GPR160: variants seen among roughly 807,000 people sequenced by gnomAD.
The protein encoded by GPR160 is probable G protein-coupled receptor 160.
In GPR160, 2 loss-of-function variants were observed where a neutral mutation model predicts 2.6. The ratio of observed to expected loss-of-function variants is 0.77; its 90% CI spans 0.32 to 2.44. The LOEUF is 2.44. GPR160 is among the 30% of genes most tolerant of loss of function. GPR160 has a pLI of 0.11. For missense variants in GPR160, 351 were observed against 383.6 expected (o/e 0.91, Z 0.71); for synonymous variants, 130 against 132.2 (o/e 0.98, Z 0.12).
intron 2 of GPR160, among the ~76,000 whole-genome samples, chr3:170,054,013 A>T (rs1036532597): frequency 6.6e-6 from 1 of 151,620 alleles, no homozygotes; most frequent in Non-Finnish European, 1.5e-5. Context: ...GCATTTGTGC[A>T]TGGAATATTA....
At chr3:170,066,040 ACACATGCCCAGTGCT>A (rs1167820494) in intron 2 of GPR160, among the ~76,000 whole-genome samples, 3 of 150,326 alleles carry the variant, frequency 2.0e-5, no homozygotes, top group Non-Finnish European at 4.4e-5. Context: ...ATAGGCATGC[ACACATGCCCAGTGCT>A]CACTTTTTAA....
At chr3:170,044,273 G>T (rs984262754) in intron 2 of GPR160, among the ~76,000 whole-genome samples, 1 of 130,180 alleles carries the variant, frequency 7.7e-6, no homozygotes, top group South Asian at 2.4e-4. Context: ...GCGGTGAGCC[G>T]AGATCACGCC....
intron 2 of GPR160, chr3:170,058,037 T>G (rs1443680920): frequency 6.6e-6 from 1 of 152,154 alleles, no homozygotes; most frequent in African/African-American, 2.4e-5. Context: ...ATAAAGTAAG[T>G]ATGTTTAGAA....
chr3:170,081,479 T>C (rs1713125257), intron 3 of GPR160, among the ~76,000 whole-genome samples: 1 of 152,170 alleles, frequency 6.6e-6, no homozygotes, highest in Non-Finnish European at 1.5e-5. Flanking sequence ...TTTGTATAAG[T>C]AGATTATTTG....
intron 2 of GPR160, chr3:170,062,313 C>T: frequency 4.8e-6 from 1 of 207,534 alleles, no homozygotes; most frequent in Admixed American, 5.8e-5. Flanking sequence ...CCCGAGCCCG[C>T]AGATAGTGGA....
At position 170,084,986 on chromosome 3, in the gene GPR160, TTA is replaced by T. The variant is rs1270945452; in HGVS notation, c.1015_1016del (p.Ter339IlefsTer16). 1.5e-6 allele frequency: 2 copies of T among 1,365,128 alleles called. No individual in the cohort carries two copies. The highest frequency in any genetic ancestry group is 2.0e-6 in the Non-Finnish European group (2 of 999,676). 84.6% of individuals were successfully genotyped at this position (1,365,128 alleles called of 1,614,324 possible). On this transcript the variant is annotated frameshift_variant and stop_lost, in exon 4 of 4. Transcript: ENST00000355897. LOFTEE classifies it high-confidence loss of function. ...IEKPISIMIC[*>X] ...AAAAGCCTATATCAATAATGATTTG[TTA>T]ATATTATTAATTAAAAGTTACAGCT... is the stretch of plus-strand genomic sequence containing the variant.
At chr3:170,076,638 G>C (rs1712865029) in intron 2 of GPR160, among the ~76,000 whole-genome samples, 1 of 152,006 alleles carries the variant, frequency 6.6e-6, no homozygotes, top group African/African-American at 2.4e-5. Context: ...CCCCGTCCTA[G>C]GTCCAAGCGA....
Position 170,084,996 on chromosome 3 carries a change from T to A in GPR160, c.*7T>A. On this transcript the variant is annotated 3_prime_UTR_variant, in exon 4 of 4. Transcript: ENST00000355897. ...ATCAATAATGATTTGTTAATATTATTAATTAAAAGTTACAGCTGTCATAAG... is the reference window on the plus strand; with the variant it reads ...ATCAATAATGATTTGTTAATATTATAAATTAAAAGTTACAGCTGTCATAAG... 1 of 1,323,816 alleles carries A rather than the reference T, an allele frequency of 7.6e-7. No individual in the cohort carries two copies. Among genetic ancestry groups the A allele is most frequent in the Non-Finnish European group, 1.0e-6 (1 of 966,302 alleles). The allele number at this position is 1,323,816 out of a possible 1,614,324, so 82.0% of individuals were successfully genotyped here. A position where few individuals can be genotyped will look rare whatever the true frequency, so the allele number is the denominator to read the frequency against.
At chr3:170,062,977 TC>T (rs1162523139) in intron 2 of GPR160, 2 of 248,276 alleles carry the variant, frequency 8.1e-6, no homozygotes, top group African/African-American at 4.6e-5. Flanking sequence ...ATGGTGGATC[TC>T]CGTGGATCTC....
At chr3:170,059,070 C>T (rs1711797748) in intron 2 of GPR160, among the ~76,000 whole-genome samples, 1 of 151,348 alleles carries the variant, frequency 6.6e-6, no homozygotes, top group African/African-American at 2.4e-5. Context: ...CTTATTTTTG[C>T]AGAAAGATGC....
intron 2 of GPR160, among the ~76,000 whole-genome samples, chr3:170,065,674 G>T (rs1477853657): frequency 6.6e-6 from 1 of 152,098 alleles, no homozygotes; most frequent in African/African-American, 2.4e-5. Flanking sequence ...TTCTATGTTG[G>T]AAAGTTTCTT....
At chr3:170,039,974 G>A (rs67666682) in intron 2 of GPR160, among the ~76,000 whole-genome samples, 69,851 of 150,722 alleles carry the variant, frequency 0.46, 16,778 homozygotes, top group East Asian at 0.76. Flanking sequence ...TTGAAGCTGG[G>A]AAGAACACAT....
At chr3:170,069,915 G>A (rs545016584) in intron 2 of GPR160, among the ~76,000 whole-genome samples, 57 of 152,182 alleles carry the variant, frequency 3.7e-4, no homozygotes, top group African/African-American at 1.3e-3. Flanking sequence ...TTCTCCTGGG[G>A]CCTTTTGCAG....
intron 2 of GPR160, among the ~76,000 whole-genome samples, chr3:170,066,185 G>C (rs1445891899): frequency 8.8e-6 from 1 of 113,576 alleles, no homozygotes; most frequent in African/African-American, 3.6e-5. Context: ...CTGTCACCCA[G>C]GCTGGAGTCC....
At chr3:170,039,944 T>G (rs1207254806) in intron 2 of GPR160, among the ~76,000 whole-genome samples, 1 of 151,720 alleles carries the variant, frequency 6.6e-6, no homozygotes, top group African/African-American at 2.4e-5. Context: ...GAGAGGAGAT[T>G]GTTCATGGAT....
intron 2 of GPR160, among the ~76,000 whole-genome samples, chr3:170,044,724 T>A (rs1357758092): frequency 6.6e-6 from 1 of 152,192 alleles, no homozygotes; most frequent in Non-Finnish European, 1.5e-5. Context: ...TCACTGTAGC[T>A]GCTCTGAGCT....
intron 2 of GPR160, among the ~76,000 whole-genome samples, chr3:170,065,888 C>G (rs964378156): frequency 3.3e-4 from 50 of 151,924 alleles, no homozygotes; most frequent in Admixed American, 2.9e-3. Context: ...ATTCATGACC[C>G]CATCTGCCAA....
At chr3:170,066,606 C>T (rs1380116439) in intron 2 of GPR160, among the ~76,000 whole-genome samples, 1 of 152,144 alleles carries the variant, frequency 6.6e-6, no homozygotes, top group East Asian at 1.9e-4. Flanking sequence ...GTGCCATAAT[C>T]TACTTAATGG....
At position 170,084,899 on chromosome 3, in the gene GPR160, T is replaced by G. The variant is rs1713345942; in HGVS notation, c.927T>G (p.Asp309Glu). 1 of 1,607,660 alleles carries G rather than the reference T, an allele frequency of 6.2e-7. No individual in the cohort carries two copies. Among genetic ancestry groups the G allele is most frequent in the South Asian group, 1.1e-5 (1 of 90,798 alleles). The change falls in exon 4 of 4, where the codon GAT becomes GAG. Residue 309 changes from aspartate (D) to glutamate (E), a missense_variant. Coordinates refer to ENST00000355897, the MANE Select transcript of GPR160 (RefSeq NM_014373.3). ...TAAAAGACATTGGATTACCTTTGGATCCATTTGTCAACTGGAAGTGCTGCT... is the reference window on the plus strand; with the variant it reads ...TAAAAGACATTGGATTACCTTTGGAGCCATTTGTCAACTGGAAGTGCTGCT... ...LNLKDIGLPL[D>E]PFVNWKCCFI...
Sources: gnomAD v4.1 joint callset for allele counts (sites outside exome capture counted in the v4.1 genomes callset) on GRCh38, gnomAD v4.1.1 for gene constraint, MANE v1.5 for transcripts, NCBI Gene and HGNC (gene_info 2026-07-23, HGNC 2026-07-21) for gene names.